ZBTB16: variants seen among roughly 807,000 people sequenced by gnomAD.
The protein encoded by ZBTB16 is zinc finger and BTB domain containing 16, also known as zinc finger and BTB domain-containing protein 16.
Under a neutral mutation model 56.8 loss-of-function variants are expected in ZBTB16, and 8 were observed. The ratio of observed to expected loss-of-function variants is 0.14; its 90% confidence interval spans 0.08 to 0.25. The LOEUF (loss-of-function observed/expected upper bound fraction) is 0.25. Ranked by LOEUF, ZBTB16 falls within the 10% of genes least tolerant of loss-of-function variation. The pLI, the probability that ZBTB16 is intolerant of heterozygous loss-of-function variation, is 1.00. For missense variants in ZBTB16, 625 were observed against 903.0 expected (o/e 0.69, Z 3.95); for synonymous variants, 363 against 368.5 (o/e 0.98, Z 0.17).
At chr11:114,197,944 A>G (rs1389278671) in intron 4 of ZBTB16, among the ~76,000 whole-genome samples, 1 of 152,024 alleles carries the variant, frequency 6.6e-6, no homozygotes, top group African/African-American at 2.4e-5. Flanking sequence ...TCTCAAGAAC[A>G]GCCTCCCAGT....
chr11:114,089,830 C>G (rs1160580788), intron 2 of ZBTB16, among the ~76,000 whole-genome samples: 1 of 152,226 alleles, frequency 6.6e-6, no homozygotes, highest in South Asian at 2.1e-4. Flanking sequence ...CTCTAGACTT[C>G]GCAGGTAAAA....
At chr11:114,248,284 G>A (rs1228246667) in intron 6 of ZBTB16, among the ~76,000 whole-genome samples, 1 of 152,218 alleles carries the variant, frequency 6.6e-6, no homozygotes, top group Admixed American at 6.5e-5. Flanking sequence ...GTCTTCCACA[G>A]TTTCCCAAGT....
intron 2 of ZBTB16, among the ~76,000 whole-genome samples, chr11:114,138,936 C>T: frequency 6.6e-6 from 1 of 152,106 alleles, no homozygotes; most frequent in Non-Finnish European, 1.5e-5. Context: ...AGTGATCCAC[C>T]CGCTTCTGCC....
intron 2 of ZBTB16, among the ~76,000 whole-genome samples, chr11:114,122,440 G>A (rs1008394016): frequency 3.3e-5 from 5 of 151,966 alleles, no homozygotes; most frequent in African/African-American, 1.2e-4. Context: ...CGACGTCTAT[G>A]TAAATGTGTA....
At chr11:114,138,101 C>T (rs2250728) in intron 2 of ZBTB16, among the ~76,000 whole-genome samples, 36,966 of 152,028 alleles carry the variant, frequency 0.24, 5,048 homozygotes, top group African/African-American at 0.36. Context: ...TGTTCCCAAG[C>T]TGGAGAGAGA....
intron 3 of ZBTB16, among the ~76,000 whole-genome samples, chr11:114,181,884 G>T (rs1179277019): frequency 2.6e-5 from 4 of 152,102 alleles, no homozygotes; most frequent in Admixed American, 6.5e-5. Flanking sequence ...ACTCCATCCC[G>T]TGCAGCTGGC....
chr11:114,223,170 G>C (rs1199813525), intron 4 of ZBTB16, among the ~76,000 whole-genome samples: 1 of 152,176 alleles, frequency 6.6e-6, no homozygotes, highest in Non-Finnish European at 1.5e-5. Flanking sequence ...CTTCAATTGT[G>C]AATGACTCCT....
intron 2 of ZBTB16, among the ~76,000 whole-genome samples, chr11:114,137,178 G>A (rs968259456): frequency 3.9e-5 from 6 of 152,256 alleles, no homozygotes; most frequent in Admixed American, 3.3e-4. Flanking sequence ...AGTGACCTTT[G>A]GAGTACATTG....
intron 6 of ZBTB16, among the ~76,000 whole-genome samples, chr11:114,248,333 A>G (rs1488253364): frequency 2.6e-5 from 4 of 152,216 alleles, no homozygotes. Context: ...TGTGAAAGCT[A>G]ATTTTTCACA....
intron 2 of ZBTB16, among the ~76,000 whole-genome samples, chr11:114,146,704 C>A (rs1358942488): frequency 6.6e-6 from 1 of 151,868 alleles, no homozygotes; most frequent in Non-Finnish European, 1.5e-5. Context: ...AAAAAATCAG[C>A]TGGGCATGGT....
At chr11:114,196,069 C>G (rs1026937226) in intron 4 of ZBTB16, among the ~76,000 whole-genome samples, 2 of 152,220 alleles carry the variant, frequency 1.3e-5, no homozygotes, top group African/African-American at 4.8e-5. Flanking sequence ...GATCTTAAGG[C>G]CCTGAGGTCT....
chr11:114,070,445 T>G (rs1375180097), intron 2 of ZBTB16, among the ~76,000 whole-genome samples: 1 of 152,210 alleles, frequency 6.6e-6, no homozygotes, highest in Non-Finnish European at 1.5e-5. Flanking sequence ...TTTTGGTCGT[T>G]GAAGCACCTG....
At chr11:114,142,521 G>T (rs7124349) in intron 2 of ZBTB16, among the ~76,000 whole-genome samples, 37,885 of 152,146 alleles carry the variant, frequency 0.25, 6,581 homozygotes, top group African/African-American at 0.49. Flanking sequence ...CAACATATGC[G>T]CTGTTGACAT....
intron 5 of ZBTB16, among the ~76,000 whole-genome samples, chr11:114,245,552 A>C (rs987720991): frequency 6.6e-6 from 1 of 152,112 alleles, no homozygotes; most frequent in Admixed American, 6.5e-5. Context: ...TAACTTTGGG[A>C]GGGGGGAGCT....
At chr11:114,124,555 A>AC (rs113744993) in intron 2 of ZBTB16, among the ~76,000 whole-genome samples, 3 of 122,328 alleles carry the variant, frequency 2.5e-5, no homozygotes, top group African/African-American at 6.2e-5. Flanking sequence ...AAAAAAAAAA[A>AC]CCAAAAAAAA....
In ZBTB16 at chr11:114,241,395, C is replaced by T. The variant is rs116777443; in HGVS notation, c.1454-772C>T. On this transcript the variant is annotated intron_variant, in intron 4 of 6. Transcript: ENST00000335953. ...AGGAGCTGGGCTGCACAGCAGGAGG[C>T]GAGCGAGTGAAACTGAGCTCCGCCT... 5.0e-3 allele frequency among the ~76,000 whole-genome samples: 755 copies of T among 152,226 alleles called. 8 individuals carry two copies. Among genetic ancestry groups the T allele is most frequent in the African/African-American group, 0.015 (634 of 41,536 alleles).
intron 2 of ZBTB16, among the ~76,000 whole-genome samples, chr11:114,124,799 A>C (rs1941458209): frequency 6.6e-6 from 1 of 152,138 alleles, no homozygotes; most frequent in Non-Finnish European, 1.5e-5. Context: ...ACTTGCTCTC[A>C]TTGTCAGTTG....
At chr11:114,121,863 G>A in intron 2 of ZBTB16, 1 of 455,498 alleles carries the variant, frequency 2.2e-6, no homozygotes, top group South Asian at 1.6e-5. Flanking sequence ...ACTTCATTTT[G>A]GACTGTCAAG....
chr11:114,176,991 T>C (rs929543652), intron 3 of ZBTB16, among the ~76,000 whole-genome samples: 1 of 152,202 alleles, frequency 6.6e-6, no homozygotes, highest in African/African-American at 2.4e-5. Context: ...TTATTGCGAT[T>C]GGGCTTCTCC....
Sources: gnomAD v4.1 joint callset for allele counts (sites outside exome capture counted in the v4.1 genomes callset) on GRCh38, gnomAD v4.1.1 for gene constraint, MANE v1.5 for transcripts, NCBI Gene and HGNC (gene_info 2026-07-23, HGNC 2026-07-21) for gene names.